The following SLC7A7 variants were observed in gnomAD, a reference collection of about 807,000 sequenced individuals.
SLC7A7 encodes the protein Y+L amino acid transporter 1.
SLC7A7 carries 39 observed loss-of-function variants against 47.9 expected under a neutral mutation model. The observed-to-expected ratio is 0.81, with a 90% CI of 0.63 to 1.06. SLC7A7 has a LOEUF of 1.06. SLC7A7 is among the 50% of genes least tolerant of loss of function. The probability of loss-of-function intolerance (pLI) is 0.00; values close to 1 mark genes in which losing one functional copy is unlikely to be tolerated. For missense variants in SLC7A7, 588 were observed against 632.0 expected, an observed-to-expected ratio of 0.93 and a Z score of 0.75; for synonymous variants, 234 against 242.8, an observed-to-expected ratio of 0.96 and a Z score of 0.34.
At chr14:22,795,554 A>G (rs1244275536) in intron 2 of SLC7A7, among the ~76,000 whole-genome samples, 3 of 151,258 alleles carry the variant, frequency 2.0e-5, no homozygotes, top group African/African-American at 7.3e-5. Flanking sequence ...GGCTCACTGC[A>G]AGCTCCGCCT....
In SLC7A7 at chr14:22,803,880, T is replaced by C. The variant is rs551881859; in HGVS notation, c.499+9020A>G. Among the ~76,000 whole-genome samples the C allele has an allele frequency of 3.3e-5, 5 of 152,314 alleles. No individual in the cohort carries two copies. The East Asian group carries it at 5.8e-4, about 18-fold the overall frequency. On this transcript the variant is annotated intron_variant, in intron 2 of 9. Transcript: ENST00000674313. Reference sequence around the variant, plus strand: ...GCTTCCCACCACACTGTGCGTTCCCTACAGGCAGGGGCTCCACCTTTCAGT... The same window carrying C: ...GCTTCCCACCACACTGTGCGTTCCCCACAGGCAGGGGCTCCACCTTTCAGT...
chr14:22,786,513 A>G lies in SLC7A7; in HGVS notation c.500-6462T>C, dbSNP rs75379305. Among the ~76,000 whole-genome samples the G allele has an allele frequency of 4.6e-3, 695 of 152,332 alleles. 4 individuals carry two copies. The highest frequency in any genetic ancestry group is 5.8e-3 in the Non-Finnish European group (396 of 68,032). ...TATTTCCCCAGAAATGCAAGACCCCACACAGAAAACTCCAGACCGTGTTGC... is the reference window on the plus strand; with the variant it reads ...TATTTCCCCAGAAATGCAAGACCCCGCACAGAAAACTCCAGACCGTGTTGC... On this transcript the variant is annotated intron_variant, in intron 2 of 9. Coordinates refer to ENST00000674313, the MANE Select transcript of SLC7A7 (RefSeq NM_003982.4).
At chr14:22,799,983 A>G (rs753206583) in intron 2 of SLC7A7, among the ~76,000 whole-genome samples, 70 of 152,236 alleles carry the variant, frequency 4.6e-4, no homozygotes, top group Non-Finnish European at 7.6e-4. Context: ...CCATTTATGC[A>G]AGCCAAAGAC....
intron 9 of SLC7A7, 41 bp downstream of exon 9, chr14:22,773,892 G>T: frequency 6.2e-7 from 1 of 1,612,162 alleles, no homozygotes; most frequent in Non-Finnish European, 8.5e-7. Flanking sequence ...CAAAAACCAA[G>T]CTCTGCAATA....
At chr14:22,786,210 C>T (rs1468676337) in intron 2 of SLC7A7, among the ~76,000 whole-genome samples, 2 of 151,500 alleles carry the variant, frequency 1.3e-5, no homozygotes, top group Non-Finnish European at 2.9e-5. Flanking sequence ...CCCAGCTACT[C>T]GGGAGGCTGA....
At chr14:22,787,388 A>G (rs2038835571) in intron 2 of SLC7A7, among the ~76,000 whole-genome samples, 1 of 151,740 alleles carries the variant, frequency 6.6e-6, no homozygotes, top group Non-Finnish European at 1.5e-5. Context: ...GTGAGCCAAG[A>G]TTACACCACT....
chr14:22,786,040 G>T (rs1177984871), intron 2 of SLC7A7, among the ~76,000 whole-genome samples: 1 of 128,488 alleles, frequency 7.8e-6, no homozygotes, highest in Non-Finnish European at 1.7e-5. Context: ...AAAAAAAAAA[G>T]CCAGGTGCAG....
intron 2 of SLC7A7, among the ~76,000 whole-genome samples, chr14:22,795,404 T>TGC (rs2038999544): frequency 1.0e-5 from 1 of 96,382 alleles, no homozygotes; most frequent in African/African-American, 5.3e-5. Context: ...CTTTCTTTCT[T>TGC]TCTTTCTTTC....
chr14:22,783,335 G>C (rs140866293), intron 2 of SLC7A7, among the ~76,000 whole-genome samples: 51 of 151,930 alleles, frequency 3.4e-4, no homozygotes. Flanking sequence ...GGAGTAACTG[G>C]GATTATAGGG....
At chr14:22,803,182 G>T (rs1199699738) in intron 2 of SLC7A7, among the ~76,000 whole-genome samples, 2 of 152,234 alleles carry the variant, frequency 1.3e-5, no homozygotes, top group Admixed American at 1.3e-4. Context: ...CACCTTGGGA[G>T]ACCAAGGCGG....
At chr14:22,814,206 G>A (rs543208698) in intron 1 of SLC7A7, among the ~76,000 whole-genome samples, 13 of 151,908 alleles carry the variant, frequency 8.6e-5, no homozygotes, top group East Asian at 2.0e-4. Flanking sequence ...ATCTTGGGCC[G>A]GGCGCTGTGG....
chr14:22,800,661 G>A (rs1270852679), intron 2 of SLC7A7, among the ~76,000 whole-genome samples: 1 of 142,592 alleles, frequency 7.0e-6, no homozygotes, highest in African/African-American at 2.6e-5. Flanking sequence ...AAGGCCGGGT[G>A]CGGTGGCTCA....
rs200097911 is a variant in SLC7A7 at position 22,782,412 on chromosome 14, TTA to T, written c.500-2363_500-2362del. ...GCCACCGCGCCCGGCCTATATTTTATTATTTTTTTTTATTTACTTATTTATTG... is the reference window on the plus strand; with the variant it reads ...GCCACCGCGCCCGGCCTATATTTTATTTTTTTTTTATTTACTTATTTATTG... On this transcript the variant is annotated intron_variant, in intron 2 of 9. Transcript: ENST00000674313. 1.6e-4 allele frequency among the ~76,000 whole-genome samples: 20 copies of T among 126,116 alleles called. No individual in the cohort carries two copies. The East Asian group carries it at 2.0e-3, about 13-fold the overall frequency. The allele number at this position is 126,116 out of a possible 152,430, so 82.7% of individuals were successfully genotyped here.
chr14:22,817,890 G>A (rs923501632), upstream of SLC7A7, among the ~76,000 whole-genome samples: 11 of 152,234 alleles, frequency 7.2e-5, no homozygotes, highest in East Asian at 1.7e-3. Flanking sequence ...TAGCCTAGAC[G>A]AAAGGCTCCA....
chr14:22,782,411 A>T (rs990885605), intron 2 of SLC7A7, among the ~76,000 whole-genome samples: 4 of 123,520 alleles, frequency 3.2e-5, no homozygotes, highest in Non-Finnish European at 4.8e-5. Flanking sequence ...CCTATATTTT[A>T]TTATTTTTTT....
chr14:22,808,070 G>A (rs998995092), intron 2 of SLC7A7, among the ~76,000 whole-genome samples: 2 of 151,808 alleles, frequency 1.3e-5, no homozygotes, highest in Non-Finnish European at 2.9e-5. Flanking sequence ...GCTGGGGCAG[G>A]AGAATCGCTT....
At chr14:22,778,659 C>G in intron 4 of SLC7A7, 134 bp downstream of exon 4, 1 of 884,760 alleles carries the variant, frequency 1.1e-6, no homozygotes, top group Non-Finnish European at 1.7e-6. Context: ...CTCTGAGCCT[C>G]AGGCCTCCCA....
intron 2 of SLC7A7, among the ~76,000 whole-genome samples, chr14:22,810,224 G>A (rs2039283288): frequency 6.6e-6 from 1 of 151,970 alleles, no homozygotes; most frequent in Non-Finnish European, 1.5e-5. Flanking sequence ...CAGCACTTTG[G>A]GAGGCCGAGG....
chr14:22,783,826 G>A (rs967657624), intron 2 of SLC7A7, among the ~76,000 whole-genome samples: 2 of 152,122 alleles, frequency 1.3e-5, no homozygotes, highest in Non-Finnish European at 2.9e-5. Context: ...TCTGCTCTCT[G>A]TACTGAGCAC....
Sources: gnomAD v4.1 joint callset for allele counts (sites outside exome capture counted in the v4.1 genomes callset) on GRCh38, gnomAD v4.1.1 for gene constraint, MANE v1.5 for transcripts, NCBI Gene and HGNC (gene_info 2026-07-23, HGNC 2026-07-21) for gene names.